DST: variants seen among roughly 807,000 people sequenced by gnomAD.
DST encodes dystonin.
Under a neutral mutation model 875.2 loss-of-function variants are expected in DST, and 253 were observed. The ratio of observed to expected loss-of-function variants is 0.29; its 90% CI spans 0.26 to 0.32. DST has a LOEUF of 0.32. Among genes scored for constraint, DST ranks in the 10% least tolerant of loss-of-function variants. DST has a pLI of 1.00. For missense variants in DST, 8,287 were observed against 9,111.6 expected (o/e 0.91, Z 3.68); for synonymous variants, 3,124 against 3,197.1 (o/e 0.98, Z 0.77).
chr6:56,735,058 G>A (rs928932407), intron 5 of DST, 170 bp downstream of exon 5: 35 of 595,584 alleles, frequency 5.9e-5, no homozygotes, highest in Admixed American at 5.5e-4. Flanking sequence ...ATTACCCACC[G>A]TCCACACACC....
intron 64 of DST, among the ~76,000 whole-genome samples, 193 bp from the exon 65 acceptor site, chr6:56,530,326 C>T (rs1394570082): frequency 6.6e-6 from 1 of 152,094 alleles, no homozygotes; most frequent in Non-Finnish European, 1.5e-5. Context: ...AGTTGAACAA[C>T]AGATCATCCT....
chr6:56,733,588 T>C (rs1295388773), intron 5 of DST, among the ~76,000 whole-genome samples: 1 of 152,140 alleles, frequency 6.6e-6, no homozygotes, highest in Non-Finnish European at 1.5e-5. Context: ...TTCACACAAA[T>C]AATGAATTGC....
chr6:56,910,798 T>C (rs1798537010), intron 2 of DST, among the ~76,000 whole-genome samples: 1 of 152,220 alleles, frequency 6.6e-6, no homozygotes, highest in African/African-American at 2.4e-5. Context: ...ACATTTATTT[T>C]AGATAAACTT....
Position 56,470,123 on chromosome 6 carries a change from A to C in DST, c.22476+5T>G. On this transcript the variant is annotated splice_donor_5th_base_variant and intron_variant, in intron 96 of 103. Coordinates refer to ENST00000680361, the MANE Select transcript of DST (RefSeq NM_001374736.1). ...TGTTGTACGCAATGGGAAGATAATGAGTACCTCATCTTCGATTTTGTCGGC... is the reference window on the plus strand; with the variant it reads ...TGTTGTACGCAATGGGAAGATAATGCGTACCTCATCTTCGATTTTGTCGGC... The C allele has an allele frequency of 6.2e-7, 1 of 1,611,946 alleles. No individual in the cohort carries two copies. Among genetic ancestry groups the C allele is most frequent in the Non-Finnish European group, 8.5e-7 (1 of 1,178,530 alleles).
intron 61 of DST, among the ~76,000 whole-genome samples, chr6:56,539,182 A>G (rs1469745522): frequency 6.6e-6 from 1 of 152,188 alleles, no homozygotes; most frequent in Non-Finnish European, 1.5e-5. Context: ...TTGGTTTTAA[A>G]TTAATTTCAG....
chr6:56,824,275 T>C (rs556695508), intron 4 of DST, among the ~76,000 whole-genome samples: 251 of 152,312 alleles, frequency 1.6e-3, no homozygotes, highest in African/African-American at 5.5e-3. Context: ...CCTCTCGAGG[T>C]GCCGGGATTG....
chr6:56,500,929 A>C (rs1207646667), intron 80 of DST, 151 bp downstream of exon 80: 1 of 717,146 alleles, frequency 1.4e-6, no homozygotes, highest in Non-Finnish European at 2.1e-6. Flanking sequence ...ATAATGTTTT[A>C]AGTAGTTAAC....
intron 2 of DST, among the ~76,000 whole-genome samples, chr6:56,926,196 A>T (rs1412340446): frequency 3.3e-5 from 5 of 152,128 alleles, no homozygotes; most frequent in African/African-American, 1.2e-4. Flanking sequence ...AAAAGTTCCT[A>T]CAGAGTCCAT....
chr6:56,580,383 C>T (rs1448575965), intron 49 of DST, among the ~76,000 whole-genome samples: 1 of 150,292 alleles, frequency 6.7e-6, no homozygotes, highest in Non-Finnish European at 1.5e-5. Context: ...CTTGTCTTTA[C>T]AAAAAAAAAT....
intron 5 of DST, among the ~76,000 whole-genome samples, chr6:56,722,247 T>G (rs1360095138): frequency 2.0e-5 from 3 of 152,232 alleles, no homozygotes; most frequent in Non-Finnish European, 4.4e-5. Context: ...AGCCCTTAAC[T>G]CCTTTAAAGG....
chr6:56,904,181 GTATTA>G (rs1795349459), intron 2 of DST, among the ~76,000 whole-genome samples: 1 of 152,182 alleles, frequency 6.6e-6, no homozygotes, highest in Non-Finnish European at 1.5e-5. Context: ...ACACAATAGT[GTATTA>G]TTCATACTAT....
At chr6:56,516,306 C>T (rs1308913009) in intron 71 of DST, among the ~76,000 whole-genome samples, 4 of 151,908 alleles carry the variant, frequency 2.6e-5, no homozygotes, top group Non-Finnish European at 5.9e-5. Flanking sequence ...ATAGCAAAAA[C>T]TAATAGCAGA....
At chr6:56,782,414 C>G (rs1244455877) in intron 4 of DST, among the ~76,000 whole-genome samples, 1 of 152,162 alleles carries the variant, frequency 6.6e-6, no homozygotes, top group Non-Finnish European at 1.5e-5. Context: ...TGTTATTGGT[C>G]TATTCAGAGA....
intron 50 of DST, among the ~76,000 whole-genome samples, chr6:56,577,019 A>T (rs1226256761): frequency 6.6e-6 from 1 of 152,218 alleles, no homozygotes; most frequent in Non-Finnish European, 1.5e-5. Context: ...TAAACTAAAA[A>T]ATATTTTAGA....
At chr6:56,843,573 C>G (rs913441625) in intron 4 of DST, 1 of 983,888 alleles carries the variant, frequency 1.0e-6, no homozygotes, top group Non-Finnish European at 1.2e-6. Flanking sequence ...TGCTTCGGGC[C>G]GGGCCGAGGC....
intron 59 of DST, among the ~76,000 whole-genome samples, chr6:56,556,937 T>TAAAAC (rs2097430923): frequency 1.3e-5 from 2 of 152,276 alleles, no homozygotes; most frequent in South Asian, 4.1e-4. Flanking sequence ...TCAAAATAAA[T>TAAAAC]AAAACCTCAA....
At position 56,503,590 on chromosome 6, in the gene DST, T is replaced by TACACACACAC. The variant is rs1220256775; in HGVS notation, c.19566+406_19566+407insGTGTGTGTGT. On this transcript the variant is annotated intron_variant, in intron 78 of 103. Transcript: ENST00000680361. The stretch of plus-strand genomic sequence containing the variant: ...CTAAATACATCTCTCTCTCTACCTA[T>TACACACACAC]ACATACACACACACACACACACACA... 5.8e-4 allele frequency among the ~76,000 whole-genome samples: 28 copies of TACACACACAC among 48,412 alleles called. No homozygotes were observed. In the East Asian group the frequency reaches 7.5e-3, roughly 13 times the overall value. The allele number at this position is 48,412 out of a possible 152,430, so 31.8% of individuals were successfully genotyped here.
At chr6:56,585,259 C>T (rs1368104635) in intron 49 of DST, among the ~76,000 whole-genome samples, 13 of 151,102 alleles carry the variant, frequency 8.6e-5, no homozygotes, top group African/African-American at 2.9e-4. Context: ...TTGATTATTG[C>T]CACAATTTCA....
At chr6:56,850,097 C>A (rs1333234268) in intron 4 of DST, among the ~76,000 whole-genome samples, 1 of 152,196 alleles carries the variant, frequency 6.6e-6, no homozygotes, top group Non-Finnish European at 1.5e-5. Context: ...TCCAAGTCTA[C>A]CCCTGCTCAC....
Sources: gnomAD v4.1 joint callset for allele counts (sites outside exome capture counted in the v4.1 genomes callset) on GRCh38, gnomAD v4.1.1 for gene constraint, MANE v1.5 for transcripts, NCBI Gene and HGNC (gene_info 2026-07-23, HGNC 2026-07-21) for gene names.